The following HEMK2 variants were observed in gnomAD, a reference collection of about 807,000 sequenced individuals.
HEMK2 encodes the protein methyltransferase HEMK2.
chr21:28,862,598 C>T, the HEMK2 span, among the ~76,000 whole-genome samples: 4 of 121,432 alleles, frequency 3.3e-5, 1 homozygote, highest in African/African-American at 1.6e-4. Context: ...GAGATTGCGC[C>T]ACTGCAGTCC....
chr21:28,845,625 T>G, the HEMK2 span, among the ~76,000 whole-genome samples: 1 of 151,588 alleles, frequency 6.6e-6, no homozygotes, highest in East Asian at 1.9e-4. Context: ...CTTTATGCAG[T>G]TTCTTTTCTT....
At chr21:28,734,403 A>C in the HEMK2 span, among the ~76,000 whole-genome samples, 1 of 152,334 alleles carries the variant, frequency 6.6e-6, no homozygotes, top group African/African-American at 2.4e-5. Flanking sequence ...GAAATTTGGC[A>C]AGACAATTTT....
At chr21:28,696,842 C>A in the HEMK2 span, among the ~76,000 whole-genome samples, 1 of 152,232 alleles carries the variant, frequency 6.6e-6, no homozygotes, top group Non-Finnish European at 1.5e-5. Flanking sequence ...GCAGGCCCAA[C>A]ATCATGTGTA....
chr21:28,745,209 G>A, the HEMK2 span, among the ~76,000 whole-genome samples: 2 of 152,200 alleles, frequency 1.3e-5, no homozygotes, highest in Non-Finnish European at 2.9e-5. Context: ...GGAAGCTTGT[G>A]GTGTAAGCAT....
the HEMK2 span, among the ~76,000 whole-genome samples, chr21:28,877,259 G>GGAA: frequency 3.9e-5 from 3 of 76,188 alleles, no homozygotes; most frequent in African/African-American, 9.5e-5. Context: ...GGGAAGAGAA[G>GGAA]GGAAGGAAGG....
At chr21:28,708,601 T>C in the HEMK2 span, among the ~76,000 whole-genome samples, 13 of 152,078 alleles carry the variant, frequency 8.5e-5, no homozygotes, top group Non-Finnish European at 1.5e-4. Context: ...CAAGGAAAAA[T>C]AGAAAGTATT....
the HEMK2 span, among the ~76,000 whole-genome samples, chr21:28,775,987 A>C: frequency 6.6e-6 from 1 of 151,936 alleles, no homozygotes; most frequent in Non-Finnish European, 1.5e-5. Flanking sequence ...AAAAAGAGGG[A>C]AGACAAAATA....
At chr21:28,712,533 T>C in the HEMK2 span, among the ~76,000 whole-genome samples, 7 of 152,298 alleles carry the variant, frequency 4.6e-5, no homozygotes, top group Non-Finnish European at 1.0e-4. Context: ...AAGGAGGCTT[T>C]GAAGAATTAG....
chr21:28,699,174 A>G, the HEMK2 span, among the ~76,000 whole-genome samples: 2 of 152,214 alleles, frequency 1.3e-5, no homozygotes, highest in African/African-American at 4.8e-5. Flanking sequence ...TTTAGTTAAA[A>G]TTACCCTTTT....
the HEMK2 span, among the ~76,000 whole-genome samples, chr21:28,694,763 G>A: frequency 1.3e-5 from 2 of 152,116 alleles, no homozygotes; most frequent in African/African-American, 2.4e-5. Flanking sequence ...AGGCTGAGGC[G>A]GGAGGATCAC....
chr21:28,793,530 G>A, the HEMK2 span, among the ~76,000 whole-genome samples: 1 of 152,128 alleles, frequency 6.6e-6, no homozygotes, highest in Non-Finnish European at 1.5e-5. Flanking sequence ...AAAAGTAAGT[G>A]GTTATTATGA....
At chr21:28,632,816 T>C in the HEMK2 span, among the ~76,000 whole-genome samples, 1 of 152,200 alleles carries the variant, frequency 6.6e-6, no homozygotes, top group African/African-American at 2.4e-5. Flanking sequence ...ATAAGTGATT[T>C]CTTGGCAGCA....
At chr21:28,865,644 G>A in the HEMK2 span, among the ~76,000 whole-genome samples, 127,540 of 152,106 alleles carry the variant, frequency 0.84, 53,932 homozygotes, top group South Asian at 0.93. Context: ...TAGCCAGACT[G>A]AGCTACTTGC....
chr21:28,821,334 A>T, the HEMK2 span, among the ~76,000 whole-genome samples: 2 of 152,150 alleles, frequency 1.3e-5, no homozygotes, highest in African/African-American at 4.8e-5. Flanking sequence ...CCACTGCGGG[A>T]TTCTTAACCT....
the HEMK2 span, among the ~76,000 whole-genome samples, chr21:28,681,836 C>T: frequency 5.3e-5 from 8 of 152,142 alleles, no homozygotes; most frequent in Non-Finnish European, 8.8e-5. Flanking sequence ...GCTGGGAGAA[C>T]TGGCTAGCCA....
chr21:28,590,782 A>G, the HEMK2 span, among the ~76,000 whole-genome samples: 1 of 152,206 alleles, frequency 6.6e-6, no homozygotes, highest in South Asian at 2.1e-4. Context: ...GTCCAAAAAG[A>G]CACTTGCTAC....
the HEMK2 span, among the ~76,000 whole-genome samples, chr21:28,654,319 C>A: frequency 3.9e-5 from 6 of 152,130 alleles, no homozygotes; most frequent in African/African-American, 7.2e-5. Context: ...TCTGCCTGCA[C>A]AGAGTCTAAA....
the HEMK2 span, among the ~76,000 whole-genome samples, chr21:28,807,160 T>C: frequency 6.6e-6 from 1 of 152,186 alleles, no homozygotes; most frequent in African/African-American, 2.4e-5. Context: ...AACCACCCGA[T>C]GGGTAGCTTC....
the HEMK2 span, among the ~76,000 whole-genome samples, chr21:28,721,911 CACACACACACACACACACACACACACAT>C: frequency 7.0e-6 from 1 of 142,752 alleles, no homozygotes; most frequent in Non-Finnish European, 1.5e-5. Context: ...CACACACACA[CACACACACACACACACACACACACACAT>C]ACACCTATTT....
Sources: gnomAD v4.1 joint callset for allele counts (sites outside exome capture counted in the v4.1 genomes callset) on GRCh38, gnomAD v4.1.1 for gene constraint, MANE v1.5 for transcripts, NCBI Gene and HGNC (gene_info 2026-07-23, HGNC 2026-07-21) for gene names.